Variants in SYBU observed in about 807,000 individuals in gnomAD.
SYBU encodes the protein GOLSYN A protein.
In SYBU, 21 loss-of-function variants were observed where a neutral mutation model predicts 35.9. The observed-to-expected ratio is 0.58, with a 90% CI of 0.41 to 0.84. SYBU has a LOEUF of 0.84. SYBU is among the 40% of genes least tolerant of loss of function. The probability of loss-of-function intolerance (pLI) is 0.00; values close to 1 mark genes in which losing one functional copy is unlikely to be tolerated. For synonymous variants in SYBU, 319 were observed against 324.3 expected, an observed-to-expected ratio of 0.98 and a Z score of 0.18; for missense variants, 768 against 848.2, an observed-to-expected ratio of 0.91 and a Z score of 1.17.
chr8:109,591,501 T>A (rs1586761141), intron 3 of SYBU, among the ~76,000 whole-genome samples: 2 of 143,760 alleles, frequency 1.4e-5, no homozygotes, highest in Non-Finnish European at 3.0e-5. Context: ...TTTAAAAAAA[T>A]GTAAATTTTT....
At chr8:109,592,105 A>C (rs1824347647) in intron 3 of SYBU, among the ~76,000 whole-genome samples, 1 of 152,194 alleles carries the variant, frequency 6.6e-6, no homozygotes, top group Non-Finnish European at 1.5e-5. Context: ...TAATAGTACC[A>C]GTTTAGCTGA....
intron 1 of SYBU, among the ~76,000 whole-genome samples, chr8:109,664,710 T>C (rs920153059): frequency 1.5e-4 from 23 of 152,136 alleles, no homozygotes; most frequent in African/African-American, 5.1e-4. Flanking sequence ...TGAAGAAAGA[T>C]GAGCAGGTGA....
At chr8:109,640,103 A>G (rs1814687443) in intron 2 of SYBU, among the ~76,000 whole-genome samples, 1 of 152,176 alleles carries the variant, frequency 6.6e-6, no homozygotes, top group Non-Finnish European at 1.5e-5. Context: ...GCAAGGCTCA[A>G]GATTGAAAGG....
chr8:109,643,547 G>A (rs556884538), intron 1 of SYBU: 1 of 153,496 alleles, frequency 6.5e-6, no homozygotes, highest in East Asian at 1.9e-4. Flanking sequence ...CCGATACTCG[G>A]GAAGATGGCT....
At chr8:109,630,170 A>AACAC (rs1813447901) in intron 2 of SYBU, among the ~76,000 whole-genome samples, 2 of 150,702 alleles carry the variant, frequency 1.3e-5, no homozygotes, top group East Asian at 3.9e-4. Context: ...AACTATCGCA[A>AACAC]GAACAAAAAA....
chr8:109,645,670 C>T (rs1167903077), upstream of SYBU: 1 of 279,284 alleles, frequency 3.6e-6, no homozygotes, highest in Admixed American at 4.5e-5. Flanking sequence ...AACGGCATCT[C>T]GTTCTGTGGC....
rs749725331 is a variant in SYBU at position 109,575,791 on chromosome 8, C to T, written c.1107G>A (p.Leu369=). 9.3e-6 allele frequency: 15 copies of T among 1,614,028 alleles called. No homozygotes were observed. In the Admixed American group the frequency reaches 2.5e-4, roughly 27 times the overall value. Reference sequence around the variant, plus strand: ...TCTCCATGCTCTGAAGGAGAGACTCCAGCTTCTTGTTTTGGATGTTTATGT... The same window carrying T: ...TCTCCATGCTCTGAAGGAGAGACTCTAGCTTCTTGTTTTGGATGTTTATGT... The part of the protein sequence containing the change: ...FVDINIQNKK[L]ESLLQSMEMA... The change falls in exon 7 of 7, where the codon CTG becomes CTA. Residue 369 remains leucine (L), a synonymous_variant. Transcript: ENST00000276646.
chr8:109,646,298 T>A (rs7017357), upstream of SYBU: 18,851 of 152,144 alleles, frequency 0.12, 3,228 homozygotes, highest in African/African-American at 0.39. Context: ...AGGGTCATTG[T>A]CCCCTTTCAT....
At position 109,578,000 on chromosome 8, in the gene SYBU, A is replaced by G. The variant is rs1172224375; in HGVS notation, c.752T>C (p.Met251Thr). 5 of 1,611,550 alleles carry G rather than the reference A, an allele frequency of 3.1e-6. No homozygotes were observed. In the Admixed American group the frequency reaches 6.7e-5, roughly 22 times the overall value. The part of the protein sequence containing the change: ...SPIMRRSGRY[M>T]SCGENHGVRP... Reference sequence around the variant, plus strand: ...GACACCATGATTTTCACCGCAAGACATGTACCTTCCAGAACGCCTGAAACA... The same window carrying G: ...GACACCATGATTTTCACCGCAAGACGTGTACCTTCCAGAACGCCTGAAACA... Residue 251 changes from methionine (M) to threonine (T), a missense_variant, in exon 6 of 7, where the codon ATG becomes ACG. Met to Thr is a moderately conservative substitution (Grantham distance 81). Coordinates refer to ENST00000276646, the MANE Select transcript of SYBU (RefSeq NM_001099754.2).
At chr8:109,649,675 C>T (rs1370915855), upstream of SYBU, among the ~76,000 whole-genome samples, 2 of 152,098 alleles carry the variant, frequency 1.3e-5, no homozygotes, top group Non-Finnish European at 2.9e-5. Context: ...CCCAAAATGG[C>T]TTTTTGTTTG....
chr8:109,588,714 C>G (rs1823899056), intron 3 of SYBU, among the ~76,000 whole-genome samples: 1 of 152,082 alleles, frequency 6.6e-6, no homozygotes, highest in Non-Finnish European at 1.5e-5. Flanking sequence ...ACCCCCCGCC[C>G]CCGCCGCCAT....
chr8:109,663,497 G>T (rs1223988259), intron 1 of SYBU, among the ~76,000 whole-genome samples: 6 of 152,072 alleles, frequency 3.9e-5, no homozygotes, highest in Non-Finnish European at 8.8e-5. Context: ...TAATGGTAAT[G>T]AATCAATTAG....
At chr8:109,587,244 C>T (rs1353413743) in intron 3 of SYBU, among the ~76,000 whole-genome samples, 2 of 152,136 alleles carry the variant, frequency 1.3e-5, no homozygotes, top group Non-Finnish European at 2.9e-5. Context: ...TTCTAACAAG[C>T]AGTGAACAAT....
At position 109,581,981 on chromosome 8, in the gene SYBU, T is replaced by C. The variant is rs375425748; in HGVS notation, c.531-1979A>G. Among the ~76,000 whole-genome samples the C allele has an allele frequency of 3.9e-5, 6 of 152,226 alleles. No individual in the cohort carries two copies. In the East Asian group the frequency reaches 5.8e-4, roughly 15 times the overall value. ...TTCAGCAGCCCATGGTAGAAAGAAC[T>C]TCATGAGTAGCTGAAAGGAACATGT... On this transcript the variant is annotated intron_variant, in intron 4 of 6. Transcript: ENST00000276646.
intron 2 of SYBU, among the ~76,000 whole-genome samples, chr8:109,641,354 C>T (rs1814856310): frequency 6.6e-6 from 1 of 152,212 alleles, no homozygotes; most frequent in Non-Finnish European, 1.5e-5. Flanking sequence ...ATTTATTAAG[C>T]ACTTCTGTAA....
At chr8:109,594,079 T>A (rs1382267063) in intron 3 of SYBU, among the ~76,000 whole-genome samples, 1 of 152,208 alleles carries the variant, frequency 6.6e-6, no homozygotes, top group Non-Finnish European at 1.5e-5. Context: ...GAGAAGCATT[T>A]ATCCAGTGTT....
intron 3 of SYBU, among the ~76,000 whole-genome samples, chr8:109,609,652 C>G (rs1431816653): frequency 6.6e-6 from 1 of 152,176 alleles, no homozygotes; most frequent in African/African-American, 2.4e-5. Context: ...CCATTTGACT[C>G]TGATGTCCTG....
At position 109,586,134 on chromosome 8, in the gene SYBU, G is replaced by A; in HGVS notation, c.456C>T (p.Ser152=). ...PGSEADFSSS[S]STGSISAPEV... is the part of the protein sequence containing the mutation. ...CAGGAGCGGAAATGCTGCCTGTGCT[G>A]CTCGAGGAGCTAAAATCAGCTTCAC... The change falls in exon 4 of 7, where the codon AGC becomes AGT. Residue 152 remains serine (S), a synonymous_variant. Coordinates refer to ENST00000276646, the MANE Select transcript of SYBU (RefSeq NM_001099754.2). 1 of 1,610,072 alleles carries A rather than the reference G, an allele frequency of 6.2e-7. No individual in the cohort carries two copies. The highest frequency in any genetic ancestry group is 2.2e-5 in the East Asian group (1 of 44,834).
At chr8:109,612,615 A>G (rs1437259991) in intron 3 of SYBU, among the ~76,000 whole-genome samples, 1 of 152,210 alleles carries the variant, frequency 6.6e-6, no homozygotes, top group Non-Finnish European at 1.5e-5. Flanking sequence ...CATTGATTCA[A>G]TCTGCTTTTA....
Sources: gnomAD v4.1 joint callset for allele counts (sites outside exome capture counted in the v4.1 genomes callset) on GRCh38, gnomAD v4.1.1 for gene constraint, MANE v1.5 for transcripts, NCBI Gene and HGNC (gene_info 2026-07-23, HGNC 2026-07-21) for gene names.